SYCP1: variants seen among roughly 807,000 people sequenced by gnomAD.
SYCP1 encodes synaptonemal complex protein 1, also known as cancer/testis antigen 8.
In SYCP1, 64 loss-of-function variants were observed where a neutral mutation model predicts 153.1. The ratio of observed to expected loss-of-function variants is 0.42; its 90% CI spans 0.34 to 0.51. SYCP1 has a LOEUF of 0.51. SYCP1 is among the 20% of genes least tolerant of loss of function. The pLI, the probability that SYCP1 is intolerant of heterozygous loss-of-function variation, is 0.06. For missense variants in SYCP1, 997 were observed against 1,049.0 expected, an observed-to-expected ratio of 0.95 and a Z score of 0.68; for synonymous variants, 384 against 341.8, an observed-to-expected ratio of 1.12 and a Z score of -1.36.
chr1:114,892,698 C>T (rs1029930192), intron 15 of SYCP1, among the ~76,000 whole-genome samples: 3 of 152,056 alleles, frequency 2.0e-5, no homozygotes, highest in African/African-American at 7.2e-5. Flanking sequence ...TCCTGGCGCA[C>T]GCACGGGAAG....
chr1:114,972,449 C>A (rs1478285813), intron 27 of SYCP1, among the ~76,000 whole-genome samples: 1 of 151,808 alleles, frequency 6.6e-6, no homozygotes, highest in South Asian at 2.1e-4. Flanking sequence ...CTTCTACTAA[C>A]TTTGGGTTTG....
chr1:114,861,347 T>A (rs1256368042), intron 8 of SYCP1, among the ~76,000 whole-genome samples: 1 of 152,180 alleles, frequency 6.6e-6, no homozygotes, highest in East Asian at 1.9e-4. Context: ...AAAGTAGGAT[T>A]TTTTCCCATT....
intron 21 of SYCP1, among the ~76,000 whole-genome samples, chr1:114,925,222 C>G (rs778855870): frequency 1.4e-4 from 22 of 151,964 alleles, no homozygotes; most frequent in Non-Finnish European, 2.9e-4. Context: ...GTGCTAAATA[C>G]TTGGTATGTA....
intron 27 of SYCP1, among the ~76,000 whole-genome samples, chr1:114,950,822 C>CT (rs1240404864): frequency 0.019 from 2,571 of 138,870 alleles, 71 homozygotes; most frequent in African/African-American, 0.059. Context: ...AAATTACACT[C>CT]TTTTTTTTTT....
chr1:114,858,689 G>A lies in SYCP1; in HGVS notation c.434G>A (p.Arg145Gln), dbSNP rs199737243. 1.9e-5 allele frequency: 30 copies of A among 1,610,880 alleles called. No individual in the cohort carries two copies. The Admixed American group carries it at 2.4e-4, about 13-fold the overall frequency. ...AACAGAAAGATAATTGAAGCACAGCGAAAAGCCATTCAGGAACTGCAAGTA... is the reference window on the plus strand; with the variant it reads ...AACAGAAAGATAATTGAAGCACAGCAAAAAGCCATTCAGGAACTGCAAGTA... ...QENRKIIEAQRKAIQELQFGN... is the reference protein window; with the variant it reads ...QENRKIIEAQQKAIQELQFGN... Residue 145 changes from arginine to glutamine, a missense_variant, in exon 6 of 32, where the codon CGA becomes CAA. Around this residue, in one of 2 missense-constraint regions of SYCP1, gnomAD observed 285 missense variants for 366.1 expected, o/e 0.78. Transcript: ENST00000369522.
At chr1:114,880,996 A>G in intron 12 of SYCP1, among the ~76,000 whole-genome samples, 1 of 151,884 alleles carries the variant, frequency 6.6e-6, no homozygotes, top group Middle Eastern at 3.4e-3. Flanking sequence ...GTAGATAACA[A>G]TTAGATTTTA....
At chr1:114,862,584 C>A (rs1451562081) in intron 8 of SYCP1, among the ~76,000 whole-genome samples, 2 of 151,924 alleles carry the variant, frequency 1.3e-5, no homozygotes, top group Non-Finnish European at 2.9e-5. Flanking sequence ...TCTTGACCAC[C>A]TGCCTCGGCC....
chr1:114,977,733 CA>C lies in SYCP1; in HGVS notation c.2382+118del, dbSNP rs1317153035. ...ACATTTTACATATATCATACAATTT[CA>C]TTTTCTAAATTGTTTCTTGCTATTT... On this transcript the variant is annotated intron_variant, in intron 28 of 31. Coordinates refer to ENST00000369522, the MANE Select transcript of SYCP1 (RefSeq NM_003176.4). 3 of 628,234 alleles carry C rather than the reference CA, an allele frequency of 4.8e-6. No individual in the cohort carries two copies. The Admixed American group carries it at 1.2e-4, about 25-fold the overall frequency. The allele number at this position is 628,234 out of a possible 1,614,324, so 38.9% of individuals were successfully genotyped here. A position where few individuals can be genotyped will look rare whatever the true frequency, so the allele number is the denominator to read the frequency against.
At chr1:114,990,385 A>T (rs1476162699) in intron 30 of SYCP1, among the ~76,000 whole-genome samples, 1 of 151,982 alleles carries the variant, frequency 6.6e-6, no homozygotes, top group Non-Finnish European at 1.5e-5. Flanking sequence ...GCCTATTAAG[A>T]AAGATCTCAA....
intron 16 of SYCP1, among the ~76,000 whole-genome samples, chr1:114,906,178 G>T (rs2101648352): frequency 6.6e-6 from 1 of 152,008 alleles, no homozygotes; most frequent in South Asian, 2.1e-4. Context: ...TATTGGCCAG[G>T]CTGGTCTCGA....
rs760662155 is a variant in SYCP1, at chr1:114,878,212, T to C, written c.910+10T>C. On this transcript the variant is annotated intron_variant, in intron 12 of 31. Coordinates refer to ENST00000369522, the MANE Select transcript of SYCP1 (RefSeq NM_003176.4). ...TTAGAGGAAAAGACAAGTAAGAGTTTATATAAGATAATATAATGTGCCTTA... is the reference window on the plus strand; with the variant it reads ...TTAGAGGAAAAGACAAGTAAGAGTTCATATAAGATAATATAATGTGCCTTA... 15 of 1,453,044 alleles carry C rather than the reference T, an allele frequency of 1.0e-5. No individual in the cohort carries two copies. Among genetic ancestry groups the C allele is most frequent in the Middle Eastern group, 3.5e-4 (2 of 5,670 alleles). 90.0% of individuals were successfully genotyped at this position (1,453,044 alleles called of 1,614,324 possible).
At chr1:114,980,773 TTTTAAAAA>T (rs1250184042) in intron 28 of SYCP1, among the ~76,000 whole-genome samples, 1 of 151,968 alleles carries the variant, frequency 6.6e-6, no homozygotes, top group African/African-American at 2.4e-5. Context: ...TTGTTTTCAT[TTTTAAAAA>T]TTTAACTTTT....
At chr1:114,856,933 A>C (rs1319650801) in intron 3 of SYCP1, among the ~76,000 whole-genome samples, 2 of 146,760 alleles carry the variant, frequency 1.4e-5, no homozygotes, top group Admixed American at 6.8e-5. Context: ...AAAAAAAAAA[A>C]AAAAAAAAAA....
intron 19 of SYCP1, among the ~76,000 whole-genome samples, 161 bp downstream of exon 19, chr1:114,913,311 T>A (rs558039270): frequency 6.6e-6 from 1 of 152,066 alleles, no homozygotes; most frequent in East Asian, 1.9e-4. Flanking sequence ...AGGGTGGTAA[T>A]AGGCAACAGA....
At chr1:114,922,555 A>G (rs992826006) in intron 20 of SYCP1, among the ~76,000 whole-genome samples, 1 of 152,116 alleles carries the variant, frequency 6.6e-6, no homozygotes, top group African/African-American at 2.4e-5. Context: ...ATGTTGCAAG[A>G]GTTCGCTATT....
At chr1:114,988,094 AAAG>A (rs1429477589) in intron 30 of SYCP1, among the ~76,000 whole-genome samples, 1 of 149,192 alleles carries the variant, frequency 6.7e-6, no homozygotes, top group Non-Finnish European at 1.5e-5. Context: ...AAAAAAAAAA[AAAG>A]AAAAAGAAAA....
chr1:114,972,219 A>T lies in SYCP1; in HGVS notation c.2323-5338A>T, dbSNP rs1007957473. 4.6e-5 allele frequency among the ~76,000 whole-genome samples: 7 copies of T among 151,938 alleles called. No homozygotes were observed. In the East Asian group the frequency reaches 1.2e-3, roughly 25 times the overall value. ...ATTGGCATATATTTACCTCATAGTA[A>T]CCTCTAGCGATCCTTTGAATTTCTG... On this transcript the variant is annotated intron_variant, in intron 27 of 31. Coordinates refer to ENST00000369522, the MANE Select transcript of SYCP1 (RefSeq NM_003176.4).
chr1:114,967,770 A>C (rs1570884793), intron 27 of SYCP1, among the ~76,000 whole-genome samples: 1 of 152,122 alleles, frequency 6.6e-6, no homozygotes, highest in East Asian at 1.9e-4. Context: ...CAGTTTCTTC[A>C]TAGTGTTGAT....
chr1:114,974,464 A>G lies in SYCP1; in HGVS notation c.2323-3093A>G, dbSNP rs143626173. On this transcript the variant is annotated intron_variant, in intron 27 of 31. Transcript: ENST00000369522. ...GATCTCTAGTAGTTTTCCATCTTGT[A>G]AAACTAAAAGTCTATACCCATTCAA... 1.0e-3 allele frequency among the ~76,000 whole-genome samples: 157 copies of G among 151,998 alleles called. 2 individuals carry two copies. Among genetic ancestry groups the G allele is most frequent in the African/African-American group, 3.7e-3 (152 of 41,546 alleles).
Sources: allele counts gnomAD v4.1 joint callset (sites outside exome capture counted in the v4.1 genomes callset), GRCh38; gene constraint gnomAD v4.1.1; regional missense constraint gnomAD v4.1.1; transcripts MANE v1.5; gene names NCBI Gene and HGNC (gene_info 2026-07-23, HGNC 2026-07-21).